ST3GAL2: variants seen among roughly 807,000 people sequenced by gnomAD.
ST3GAL2 encodes ST3 beta-galactoside alpha-2,3-sialyltransferase 2.
ST3GAL2 carries 16 observed loss-of-function variants against 37.5 expected under a neutral mutation model. The observed-to-expected ratio is 0.43, with a 90% confidence interval of 0.29 to 0.65. The LOEUF (loss-of-function observed/expected upper bound fraction) is 0.65. ST3GAL2 is among the 30% of genes least tolerant of loss of function. The probability of loss-of-function intolerance (pLI) is 0.17; values close to 1 mark genes in which losing one functional copy is unlikely to be tolerated. For missense variants in ST3GAL2, 383 were observed against 487.8 expected, an observed-to-expected ratio of 0.79 and a Z score of 2.02; for synonymous variants, 238 against 202.9, an observed-to-expected ratio of 1.17 and a Z score of -1.47.
intron 6 of ST3GAL2, 89 bp from the exon 7 acceptor site, chr16:70,381,951 C>G: frequency 1.3e-6 from 2 of 1,536,616 alleles, no homozygotes; most frequent in South Asian, 1.2e-5. Flanking sequence ...GGAGAGGGGA[C>G]GGGAGGCCCC....
intron 1 of ST3GAL2, among the ~76,000 whole-genome samples, chr16:70,410,145 G>A (rs113467032): frequency 6.9e-5 from 10 of 144,828 alleles, no homozygotes; most frequent in Admixed American, 6.9e-4. Flanking sequence ...TTCACTTGGA[G>A]TTATGTTACT....
intron 1 of ST3GAL2, among the ~76,000 whole-genome samples, chr16:70,404,977 G>A (rs1049957269): frequency 2.0e-5 from 3 of 150,052 alleles, no homozygotes; most frequent in Non-Finnish European, 4.4e-5. Context: ...AGGTTGCAGT[G>A]AGCCGAGATC....
chr16:70,435,358 G>A (rs549361473), intron 1 of ST3GAL2, among the ~76,000 whole-genome samples: 1 of 152,296 alleles, frequency 6.6e-6, no homozygotes, highest in Non-Finnish European at 1.5e-5. Flanking sequence ...CACTTTCGGA[G>A]GCTCCAGCGG....
At chr16:70,428,945 C>T (rs931011575) in intron 1 of ST3GAL2, among the ~76,000 whole-genome samples, 2 of 152,152 alleles carry the variant, frequency 1.3e-5, no homozygotes, top group Non-Finnish European at 2.9e-5. Context: ...AAATGGGAAT[C>T]CTATTAACAG....
chr16:70,419,090 G>A (rs1271043152), intron 1 of ST3GAL2, among the ~76,000 whole-genome samples: 1 of 152,194 alleles, frequency 6.6e-6, no homozygotes, highest in African/African-American at 2.4e-5. Context: ...ACCATGGCGA[G>A]GGACTCTGGT....
intron 1 of ST3GAL2, among the ~76,000 whole-genome samples, chr16:70,435,519 A>T (rs1359018381): frequency 6.6e-6 from 1 of 151,970 alleles, no homozygotes; most frequent in African/African-American, 2.4e-5. Flanking sequence ...AATTACTTGA[A>T]CCCGGGAGGT....
At chr16:70,428,186 G>T (rs1308635365) in intron 1 of ST3GAL2, among the ~76,000 whole-genome samples, 3 of 152,234 alleles carry the variant, frequency 2.0e-5, no homozygotes, top group African/African-American at 7.2e-5. Flanking sequence ...GCTCAGTCTT[G>T]CCAGGTTTGT....
In ST3GAL2 at chr16:70,408,842, G is replaced by A. The variant is rs556325734; in HGVS notation, c.-1003-9309C>T. ...TGTCAGTCTTCTCTGGACAAAGATC[G>A]AGGCTGCACCCTAACAGCCTCTTCC... On this transcript the variant is annotated intron_variant, in intron 1 of 6. Transcript: ENST00000342907. Among the ~76,000 whole-genome samples the A allele has an allele frequency of 3.9e-5, 5 of 128,352 alleles. No homozygotes were observed. The East Asian group carries it at 7.3e-4, about 19-fold the overall frequency. 84.2% of individuals were successfully genotyped at this position (128,352 alleles called of 152,430 possible). A position where few individuals can be genotyped will look rare whatever the true frequency, so the allele number is the denominator to read the frequency against.
intron 3 of ST3GAL2, 113 bp downstream of exon 3, chr16:70,394,869 C>G: frequency 8.1e-7 from 1 of 1,236,704 alleles, no homozygotes; most frequent in Non-Finnish European, 1.1e-6. Flanking sequence ...GAGGCAGGGC[C>G]CCACAGCACA....
rs1470933370 is a variant in ST3GAL2 at position 70,395,007 on chromosome 16, C to T, written c.508G>A (p.Val170Met). 1.1e-5 allele frequency: 17 copies of T among 1,613,636 alleles called. No homozygotes were observed. The highest frequency in any genetic ancestry group is 1.4e-5 in the Non-Finnish European group (16 of 1,179,926). ...NLRGSGYGQD[V>M]DGHNFIMRMN... The stretch of plus-strand genomic sequence containing the variant: ...CTCATGATGAAGTTGTGCCCGTCCA[C>T]GTCCTGCCCATAGCCAGAGCCCCGC... Residue 170 changes from valine (V) to methionine (M), a missense_variant, in exon 3 of 7, where the codon GTG becomes ATG. Physicochemically the swap from Val to Met is conservative, Grantham distance 21. Coordinates refer to ENST00000342907, the MANE Select transcript of ST3GAL2 (RefSeq NM_006927.4).
chr16:70,398,270 G>C lies in ST3GAL2; in HGVS notation c.261C>G (p.Ser87Arg). The C allele has an allele frequency of 6.2e-7, 1 of 1,613,398 alleles. No individual in the cohort carries two copies. Among genetic ancestry groups the C allele is most frequent in the Admixed American group, 1.7e-5 (1 of 60,034 alleles). The change falls in exon 2 of 7, where the codon AGC becomes AGG. Residue 87 changes from serine to arginine, a missense_variant. This residue lies in a region of ST3GAL2 where 223 missense variants were observed against 239.1 expected (regional missense o/e 0.93). Coordinates refer to ENST00000342907, the MANE Select transcript of ST3GAL2 (RefSeq NM_006927.4). ...GDAGASDWFD[S>R]HFDGNISPVW... Reference sequence around the variant, plus strand: ...CGGGGGAAATGTTACCGTCAAAGTGGCTGTCAAACCAGTCGGAGGCACCGG... The same window carrying C: ...CGGGGGAAATGTTACCGTCAAAGTGCCTGTCAAACCAGTCGGAGGCACCGG...
At chr16:70,408,002 C>T (rs1396236724) in intron 1 of ST3GAL2, among the ~76,000 whole-genome samples, 2 of 152,062 alleles carry the variant, frequency 1.3e-5, no homozygotes, top group African/African-American at 2.4e-5. Flanking sequence ...AAGATAAAGC[C>T]CCTCTCCACC....
chr16:70,419,305 C>T (rs976098429), intron 1 of ST3GAL2, among the ~76,000 whole-genome samples: 1 of 152,214 alleles, frequency 6.6e-6, no homozygotes, highest in Non-Finnish European at 1.5e-5. Context: ...AAGGACTGGA[C>T]TTAAAAATCC....
At chr16:70,410,637 G>A (rs2047631421) in intron 1 of ST3GAL2, among the ~76,000 whole-genome samples, 1 of 151,152 alleles carries the variant, frequency 6.6e-6, no homozygotes, top group African/African-American at 2.4e-5. Flanking sequence ...GTTAGCTTAT[G>A]TACATTTTCT....
At position 70,379,954 on chromosome 16, in the gene ST3GAL2, A is replaced by G. The variant is rs1244123628; in HGVS notation, c.*1735T>C. 1 of 152,168 alleles carries G rather than the reference A, an allele frequency of 6.6e-6. No individual in the cohort carries two copies. The highest frequency in any genetic ancestry group is 1.5e-5 in the Non-Finnish European group (1 of 68,050). The allele number at this position is 152,168 out of a possible 1,614,324, so 9.4% of individuals were successfully genotyped here. The stretch of plus-strand genomic sequence containing the variant: ...GTACCTGGCGGGATTCATGATTTAA[A>G]GCAAAAGAAAAAAAAGAAATAAATT... On this transcript the variant is annotated 3_prime_UTR_variant, in exon 7 of 7. Transcript: ENST00000342907.
At chr16:70,418,293 G>A (rs566278180) in intron 1 of ST3GAL2, among the ~76,000 whole-genome samples, 3 of 152,138 alleles carry the variant, frequency 2.0e-5, no homozygotes, top group Admixed American at 6.5e-5. Flanking sequence ...ACAGCAATGG[G>A]GCTCCTCTGT....
At chr16:70,389,202 CAAAAAAAAAAAAAAAAAAAAAAAAAAAA>C (rs1160368910) in intron 3 of ST3GAL2, among the ~76,000 whole-genome samples, 5 of 27,362 alleles carry the variant, frequency 1.8e-4, no homozygotes, top group Middle Eastern at 0.042. Flanking sequence ...CCCATCTCTA[CAAAAAAAAAAAAAAAAAAAAAAAAAAAA>C]AAAAAAAAAA....
At chr16:70,404,395 T>C (rs1425082299) in intron 1 of ST3GAL2, among the ~76,000 whole-genome samples, 1 of 152,142 alleles carries the variant, frequency 6.6e-6, no homozygotes, top group Non-Finnish European at 1.5e-5. Context: ...AGTGGTGACC[T>C]TCACAATGAC....
At position 70,378,004 on chromosome 16, in the gene ST3GAL2, G is replaced by C. The variant is rs2047362430; in HGVS notation, c.*3685C>G. 6.6e-6 allele frequency: 1 copy of C among 152,038 alleles called. No homozygotes were observed. The allele number at this position is 152,038 out of a possible 1,614,324, so 9.4% of individuals were successfully genotyped here. On this transcript the variant is annotated 3_prime_UTR_variant, in exon 7 of 7. Transcript: ENST00000342907. ...ATGAAAAAGGTATCAACTCACATGG[G>C]CAAATAAATGGAAACAATAACAGCA...
Sources: gnomAD v4.1 joint callset for allele counts (sites outside exome capture counted in the v4.1 genomes callset) on GRCh38, gnomAD v4.1.1 for gene constraint, gnomAD v4.1.1 regional missense constraint, MANE v1.5 for transcripts, NCBI Gene and HGNC (gene_info 2026-07-23, HGNC 2026-07-21) for gene names.